Variants in ATAD2 observed in about 807,000 individuals in gnomAD.
The protein encoded by ATAD2 is ATPase family AAA domain-containing protein 2.
ATAD2 carries 62 observed loss-of-function variants against 168.9 expected under a neutral mutation model. The ratio of observed to expected loss-of-function variants is 0.37; its 90% CI spans 0.30 to 0.45. The LOEUF (loss-of-function observed/expected upper bound fraction) is 0.45. Among genes scored for constraint, ATAD2 ranks in the 20% least tolerant of loss-of-function variants. The probability of loss-of-function intolerance (pLI) is 1.00; values close to 1 mark genes in which losing one functional copy is unlikely to be tolerated. For missense variants in ATAD2, 1,419 were observed against 1,667.8 expected (o/e 0.85, Z 2.60); for synonymous variants, 613 against 571.6 (o/e 1.07, Z -1.03).
intron 22 of ATAD2, 47 bp downstream of exon 22, chr8:123,336,326 G>C (rs375284169): frequency 1.3e-6 from 2 of 1,507,162 alleles, no homozygotes; most frequent in Admixed American, 4.5e-5. Flanking sequence ...CTAAGTGTTA[G>C]CTGCCCCCCA....
In ATAD2 at chr8:123,357,771, T is replaced by C. The variant is rs370464563; in HGVS notation, c.1383-35A>G. On this transcript the variant is annotated intron_variant, in intron 11 of 27. Transcript: ENST00000287394. ...AATACATTAACATTTTAGTATTACATTTAAAAAGCAGACTTTTAAAACAAA... is the reference window on the plus strand; with the variant it reads ...AATACATTAACATTTTAGTATTACACTTAAAAAGCAGACTTTTAAAACAAA... 4 of 1,527,268 alleles carry C rather than the reference T, an allele frequency of 2.6e-6. No homozygotes were observed. The African/African-American group carries it at 4.2e-5, about 16-fold the overall frequency. The allele number at this position is 1,527,268 out of a possible 1,614,324, so 94.6% of individuals were successfully genotyped here.
intron 13 of ATAD2, among the ~76,000 whole-genome samples, chr8:123,353,011 G>A (rs1828520038): frequency 6.6e-6 from 1 of 152,098 alleles, no homozygotes; most frequent in South Asian, 2.1e-4. Flanking sequence ...AGGCTGCAGT[G>A]AGTTGTGATC....
upstream of ATAD2, among the ~76,000 whole-genome samples, chr8:123,399,641 G>A (rs116476855): frequency 0.032 from 4,937 of 152,060 alleles, 276 homozygotes; most frequent in African/African-American, 0.11. Context: ...TATCACCTGA[G>A]GTCGGGAGTT....
At chr8:123,369,003 C>G in intron 8 of ATAD2, 55 bp downstream of exon 8, 1 of 1,046,404 alleles carries the variant, frequency 9.6e-7, no homozygotes, top group Non-Finnish European at 1.4e-6. Context: ...AGAGTCCAGC[C>G]CTAACATAAA....
chr8:123,397,107 A>C (rs1812885256), upstream of ATAD2, among the ~76,000 whole-genome samples: 1 of 151,794 alleles, frequency 6.6e-6, no homozygotes, highest in Admixed American at 6.6e-5. Flanking sequence ...CGAACAAATT[A>C]TTCACCTCCC....
intron 18 of ATAD2, 62 bp downstream of exon 18, chr8:123,346,024 G>T: frequency 7.8e-7 from 1 of 1,281,748 alleles, no homozygotes; most frequent in Non-Finnish European, 1.0e-6. Context: ...AAAAAATGGG[G>T]CAATTTTAGC....
At chr8:123,340,775 T>A (rs1001122645) in intron 19 of ATAD2, among the ~76,000 whole-genome samples, 1 of 152,190 alleles carries the variant, frequency 6.6e-6, no homozygotes, top group Admixed American at 6.5e-5. Context: ...TAACAGAAGT[T>A]ACCGAGGGCT....
At chr8:123,401,540 G>A (rs1813000041) in intron 1 of ATAD2, 3 of 1,554,204 alleles carry the variant, frequency 1.9e-6, no homozygotes, top group Non-Finnish European at 2.6e-6. Context: ...GGCTGTGTGT[G>A]GGCATAGGCT....
intron 9 of ATAD2, among the ~76,000 whole-genome samples, chr8:123,360,937 CAAA>C (rs34721440): frequency 1.2e-4 from 13 of 104,290 alleles, no homozygotes; most frequent in Non-Finnish European, 1.0e-4. Context: ...TTATTATAAG[CAAA>C]AAAAAAAAAA....
At chr8:123,359,357 G>T (rs770985528) in intron 10 of ATAD2, 21 bp from the exon 11 acceptor site, 1 of 1,541,864 alleles carries the variant, frequency 6.5e-7, no homozygotes, top group Admixed American at 1.8e-5. Flanking sequence ...AAGCGAACAT[G>T]TACATTTTTA....
chr8:123,399,779 G>A (rs1378217885), upstream of ATAD2, among the ~76,000 whole-genome samples: 2 of 152,008 alleles, frequency 1.3e-5, no homozygotes, highest in Non-Finnish European at 2.9e-5. Flanking sequence ...TCTTGAACCT[G>A]GGAGGCAGAG....
chr8:123,350,680 CTA>C (rs1317105310), intron 13 of ATAD2, among the ~76,000 whole-genome samples: 1 of 152,110 alleles, frequency 6.6e-6, no homozygotes, highest in Non-Finnish European at 1.5e-5. Flanking sequence ...TTGTCCCCCT[CTA>C]TCTTTCACAT....
Position 123,390,736 on chromosome 8 carries a change from A to C in ATAD2, c.171+5451T>G, listed in dbSNP as rs867461500. Among the ~76,000 whole-genome samples the C allele has an allele frequency of 3.3e-5, 5 of 152,358 alleles. No homozygotes were observed. The South Asian group carries it at 1.0e-3, about 32-fold the overall frequency. ...ACACAGAAAAGTAAAAATGTAGGTA[A>C]ACAACCCAAAAGTAGGCCAGGCGCA... On this transcript the variant is annotated intron_variant, in intron 1 of 27. Transcript: ENST00000287394.
intron 1 of ATAD2, chr8:123,380,918 A>G (rs1829476277): frequency 2.3e-6 from 1 of 443,376 alleles, no homozygotes; most frequent in African/African-American, 2.0e-5. Context: ...CATAACAAGT[A>G]GTTCATAACC....
At chr8:123,362,562 T>C (rs76732948) in intron 8 of ATAD2, among the ~76,000 whole-genome samples, 17,388 of 151,600 alleles carry the variant, frequency 0.11, 2,699 homozygotes, top group African/African-American at 0.36. Context: ...ATTACAGGTA[T>C]GAGCCATTGT....
intron 24 of ATAD2, among the ~76,000 whole-genome samples, chr8:123,328,893 C>T (rs911287297): frequency 2.0e-5 from 3 of 151,044 alleles, no homozygotes; most frequent in Admixed American, 6.6e-5. Flanking sequence ...CTCTGCCTCC[C>T]GGGTTCATGC....
In ATAD2 at chr8:123,347,456, A is replaced by C. The variant is rs550890597; in HGVS notation, c.1898-50T>G. The C allele has an allele frequency of 2.3e-5, 34 of 1,477,158 alleles. No individual in the cohort carries two copies. The Admixed American group carries it at 7.2e-4, about 31-fold the overall frequency. The allele number at this position is 1,477,158 out of a possible 1,614,324, so 91.5% of individuals were successfully genotyped here. ...AAAGAACCAGCCGACCAAACAAAGA[A>C]ACACAAAACTCTATTAGCATGACCA... On this transcript the variant is annotated intron_variant, in intron 15 of 27. Transcript: ENST00000287394.
chr8:123,386,644 G>A (rs1266735003), intron 1 of ATAD2, among the ~76,000 whole-genome samples: 3 of 152,082 alleles, frequency 2.0e-5, no homozygotes, highest in East Asian at 3.9e-4. Context: ...CTTAAAAACG[G>A]TTAAAACGGT....
intron 24 of ATAD2, among the ~76,000 whole-genome samples, chr8:123,329,244 T>C (rs116082756): frequency 6.6e-6 from 1 of 152,118 alleles, no homozygotes; most frequent in Non-Finnish European, 1.5e-5. Context: ...CTACACTTAT[T>C]GAGCATTTAT....
Sources: gnomAD v4.1 joint callset for allele counts (sites outside exome capture counted in the v4.1 genomes callset) on GRCh38, gnomAD v4.1.1 for gene constraint, MANE v1.5 for transcripts, NCBI Gene and HGNC (gene_info 2026-07-23, HGNC 2026-07-21) for gene names.